Variants in GNA13 observed in about 807,000 individuals in gnomAD.
GNA13 encodes the protein guanine nucleotide-binding protein subunit alpha-13.
A neutral mutation model predicts 33.5 loss-of-function variants in GNA13; 4 were observed. The ratio of observed to expected loss-of-function variants is 0.12; its 90% CI spans 0.06 to 0.27. The LOEUF is 0.27. GNA13 is among the 10% of genes least tolerant of loss of function. The pLI is 1.00. For missense variants in GNA13, 319 were observed against 487.2 expected (o/e 0.65, Z 3.25); for synonymous variants, 176 against 183.8 (o/e 0.96, Z 0.34).
chr17:65,051,590 C>G (rs1907860820), intron 2 of GNA13, among the ~76,000 whole-genome samples: 1 of 151,590 alleles, frequency 6.6e-6, no homozygotes, highest in Non-Finnish European at 1.5e-5. Flanking sequence ...GCCTGGGCAA[C>G]AAGAACAAAA....
At chr17:65,020,312 AGTCTCTAAACTCCTCCAG>A (rs1906536719) in intron 2 of GNA13, among the ~76,000 whole-genome samples, 1 of 152,220 alleles carries the variant, frequency 6.6e-6, no homozygotes, top group Non-Finnish European at 1.5e-5. Flanking sequence ...GATCTGGCCA[AGTCTCTAAACTCCTCCAG>A]GTCTCCATTT....
intron 2 of GNA13, among the ~76,000 whole-genome samples, chr17:65,042,594 G>A (rs576096423): frequency 3.1e-3 from 466 of 151,740 alleles, no homozygotes; most frequent in African/African-American, 0.011. Flanking sequence ...AAAATTAGCC[G>A]GGCATGGTGG....
chr17:65,017,548 T>C (rs1035842789), intron 3 of GNA13, among the ~76,000 whole-genome samples: 1 of 152,152 alleles, frequency 6.6e-6, no homozygotes, highest in African/African-American at 2.4e-5. Context: ...GTACGCCCAA[T>C]ACAGAGGTCA....
chr17:65,017,778 T>G (rs1206472206), intron 3 of GNA13, among the ~76,000 whole-genome samples: 14 of 152,110 alleles, frequency 9.2e-5, no homozygotes, highest in Admixed American at 8.5e-4. Flanking sequence ...GTCAAAAGAT[T>G]TGGAAATCAG....
Position 65,013,466 on chromosome 17 carries a change from C to T in GNA13, c.*791G>A, listed in dbSNP as rs1413038775. On this transcript the variant is annotated 3_prime_UTR_variant, in exon 4 of 4. Transcript: ENST00000439174. ...TGCAGTTTTTAGTTGCTGCTATGGC[C>T]AGAATGTTTCACATATGGTACATTA... 4.7e-6 allele frequency: 1 copy of T among 211,300 alleles called. No individual in the cohort carries two copies. Among genetic ancestry groups the T allele is most frequent in the Non-Finnish European group, 9.6e-6 (1 of 104,052 alleles). 13.1% of individuals were successfully genotyped at this position (211,300 alleles called of 1,614,324 possible).
rs2143760511 is a variant in GNA13 at position 65,011,790 on chromosome 17, G to C, written c.*2467C>G. On this transcript the variant is annotated 3_prime_UTR_variant, in exon 4 of 4. Coordinates refer to ENST00000439174, the MANE Select transcript of GNA13 (RefSeq NM_006572.6). ...AGAGACTGGGGTAAGTTTGCATAGT[G>C]AAATTATGAGCACCTTTTCAATTCT... 4.4e-6 allele frequency: 1 copy of C among 228,592 alleles called. No individual in the cohort carries two copies. Among genetic ancestry groups the C allele is most frequent in the East Asian group, 6.3e-5 (1 of 15,892 alleles). The allele number at this position is 228,592 out of a possible 1,614,324, so 14.2% of individuals were successfully genotyped here.
At position 65,010,100 on chromosome 17, in the gene GNA13, T is replaced by C. The variant is rs1002483413; in HGVS notation, c.*4157A>G. 2.8e-4 allele frequency among the ~76,000 whole-genome samples: 43 copies of C among 152,242 alleles called. No individual in the cohort carries two copies. Among genetic ancestry groups the C allele is most frequent in the African/African-American group, 9.9e-4 (41 of 41,460 alleles). On this transcript the variant is annotated 3_prime_UTR_variant, in exon 4 of 4. Coordinates refer to ENST00000439174, the MANE Select transcript of GNA13 (RefSeq NM_006572.6). ...CATATCATTCATGCTTTCAAAACAA[T>C]GTTCATATAAGCTCTCGCATTTGAA...
At chr17:65,025,759 C>A (rs901268437) in intron 2 of GNA13, among the ~76,000 whole-genome samples, 3 of 149,308 alleles carry the variant, frequency 2.0e-5, no homozygotes, top group Non-Finnish European at 1.5e-5. Context: ...GAGCAAGGAT[C>A]GCCTGAGCCC....
chr17:65,017,771 A>G (rs553670791), intron 3 of GNA13, among the ~76,000 whole-genome samples: 1 of 152,322 alleles, frequency 6.6e-6, no homozygotes, highest in African/African-American at 2.4e-5. Flanking sequence ...GTCATTTGTC[A>G]AAAGATTTGG....
chr17:65,034,549 C>A (rs920797661), intron 2 of GNA13, among the ~76,000 whole-genome samples: 1 of 152,052 alleles, frequency 6.6e-6, no homozygotes, highest in Non-Finnish European at 1.5e-5. Flanking sequence ...CCACCTGCCT[C>A]GGCCTCCCAA....
intron 2 of GNA13, among the ~76,000 whole-genome samples, chr17:65,025,817 C>CAA (rs3972220): frequency 4.8e-5 from 5 of 104,608 alleles, no homozygotes; most frequent in African/African-American, 1.8e-4. Flanking sequence ...CCCATCTCTA[C>CAA]AAAAAAAAAA....
At chr17:65,025,817 C>CAAA (rs3972220) in intron 2 of GNA13, among the ~76,000 whole-genome samples, 1 of 104,626 alleles carries the variant, frequency 9.6e-6, no homozygotes, top group Non-Finnish European at 2.0e-5. Context: ...CCCATCTCTA[C>CAAA]AAAAAAAAAA....
chr17:65,046,872 A>G (rs1907683187), intron 2 of GNA13, among the ~76,000 whole-genome samples: 1 of 152,184 alleles, frequency 6.6e-6, no homozygotes, highest in Non-Finnish European at 1.5e-5. Flanking sequence ...GGTAATATAG[A>G]AAGCAGCACA....
At chr17:65,018,391 C>A (rs1056658723) in intron 2 of GNA13, 88 bp from the exon 3 acceptor site, 4 of 741,332 alleles carry the variant, frequency 5.4e-6, no homozygotes, top group Non-Finnish European at 9.7e-6. Flanking sequence ...TCTGGTTGTA[C>A]ACTTAACCCA....
intron 2 of GNA13, among the ~76,000 whole-genome samples, chr17:65,051,443 C>T (rs1432864368): frequency 6.6e-6 from 1 of 152,144 alleles, no homozygotes; most frequent in Non-Finnish European, 1.5e-5. Context: ...TGGAGAAACA[C>T]TGTCTCTACT....
At chr17:65,046,711 T>A (rs1171444762) in intron 2 of GNA13, among the ~76,000 whole-genome samples, 2 of 152,234 alleles carry the variant, frequency 1.3e-5, no homozygotes, top group Admixed American at 6.5e-5. Context: ...ACCTTTTTCC[T>A]GGGTTAGGTC....
At chr17:65,042,057 C>T (rs1396081981) in intron 2 of GNA13, among the ~76,000 whole-genome samples, 1 of 151,974 alleles carries the variant, frequency 6.6e-6, no homozygotes, top group Non-Finnish European at 1.5e-5. Flanking sequence ...TAAAAAGGTA[C>T]TGTGAAAAAA....
chr17:65,015,075 C>T (rs573790277), intron 3 of GNA13, among the ~76,000 whole-genome samples: 1 of 151,690 alleles, frequency 6.6e-6, no homozygotes, highest in East Asian at 2.0e-4. Flanking sequence ...TTGAGAATAT[C>T]CTGGGCAATA....
At chr17:65,018,714 T>A (rs980436967) in intron 2 of GNA13, among the ~76,000 whole-genome samples, 1 of 152,192 alleles carries the variant, frequency 6.6e-6, no homozygotes, top group South Asian at 2.1e-4. Flanking sequence ...ACGATAGTTA[T>A]CTTCAGAGAC....
Sources: gnomAD v4.1 joint callset for allele counts (sites outside exome capture counted in the v4.1 genomes callset) on GRCh38, gnomAD v4.1.1 for gene constraint, MANE v1.5 for transcripts, NCBI Gene and HGNC (gene_info 2026-07-23, HGNC 2026-07-21) for gene names.